The following CPEB4 variants were observed in gnomAD, a reference collection of about 807,000 sequenced individuals.
CPEB4 encodes cytoplasmic polyadenylation element binding protein 4, also known as cytoplasmic polyadenylation element-binding protein 4.
A neutral mutation model predicts 72.5 loss-of-function variants in CPEB4; 12 were observed. The observed-to-expected ratio is 0.17, with a 90% CI of 0.11 to 0.27. CPEB4 has a LOEUF of 0.27. Among genes scored for constraint, CPEB4 ranks in the 10% least tolerant of loss-of-function variants. The pLI is 1.00. For synonymous variants in CPEB4, 302 were observed against 326.3 expected (o/e 0.93, Z 0.80); for missense variants, 614 against 908.5 (o/e 0.68, Z 4.17).
At chr5:173,934,974 A>G (rs1030023900) in intron 3 of CPEB4, among the ~76,000 whole-genome samples, 7 of 152,182 alleles carry the variant, frequency 4.6e-5, no homozygotes, top group African/African-American at 1.7e-4. Context: ...TTTTGGGGGT[A>G]CCTGTATTGC....
intron 5 of CPEB4, among the ~76,000 whole-genome samples, chr5:173,949,030 G>A (rs1309622684): frequency 2.6e-5 from 4 of 152,182 alleles, no homozygotes; most frequent in Non-Finnish European, 4.4e-5. Flanking sequence ...AGAACATGGA[G>A]CTGTTCCAAG....
chr5:173,933,528 T>A (rs987860992), intron 3 of CPEB4, among the ~76,000 whole-genome samples: 6 of 152,184 alleles, frequency 3.9e-5, no homozygotes, highest in African/African-American at 1.4e-4. Context: ...CAGATGTAGG[T>A]CTTTTCATGC....
chr5:173,927,189 A>G (rs776635464), intron 2 of CPEB4, among the ~76,000 whole-genome samples: 3 of 152,148 alleles, frequency 2.0e-5, no homozygotes, highest in African/African-American at 4.8e-5. Flanking sequence ...CAAAAACCCA[A>G]CCAGACAAAA....
In CPEB4 at chr5:173,957,093, T is replaced by C. The variant is rs145028741; in HGVS notation, c.*956T>C. 142 of 152,906 alleles carry C rather than the reference T, an allele frequency of 9.3e-4. No homozygotes were observed. Among genetic ancestry groups the C allele is most frequent in the African/African-American group, 3.4e-3 (140 of 41,588 alleles). The allele number at this position is 152,906 out of a possible 1,614,324, so 9.5% of individuals were successfully genotyped here. On this transcript the variant is annotated 3_prime_UTR_variant, in exon 10 of 10. Coordinates refer to ENST00000265085, the MANE Select transcript of CPEB4 (RefSeq NM_030627.4). ...TAAACTCTATATCCTAATTTACTAA[T>C]ACTCATCAGATGTCAGCCTTTGCTC...
At chr5:173,947,019 T>C (rs1323739034) in intron 5 of CPEB4, among the ~76,000 whole-genome samples, 1 of 151,998 alleles carries the variant, frequency 6.6e-6, no homozygotes, top group Admixed American at 6.6e-5. Context: ...ATAGGTATCG[T>C]AGAAGAGCAG....
At position 173,910,624 on chromosome 5, in the gene CPEB4, C is replaced by G; in HGVS notation, c.1207+20C>G. On this transcript the variant is annotated intron_variant, in intron 2 of 9. Coordinates refer to ENST00000265085, the MANE Select transcript of CPEB4 (RefSeq NM_030627.4). ...TTAAAGGTAAGTTTAGAAATATACC[C>G]AATTGATTTCAGACAATAGTTTTAA... 1.4e-6 allele frequency: 2 copies of G among 1,412,186 alleles called. No homozygotes were observed. The highest frequency in any genetic ancestry group is 2.0e-6 in the Non-Finnish European group (2 of 997,074). 87.5% of individuals were successfully genotyped at this position (1,412,186 alleles called of 1,614,324 possible).
chr5:173,889,644 A>G lies in CPEB4; in HGVS notation c.-90A>G. The G allele has an allele frequency of 8.9e-7, 1 of 1,128,106 alleles. No individual in the cohort carries two copies. Among genetic ancestry groups the G allele is most frequent in the Non-Finnish European group, 1.3e-6 (1 of 784,778 alleles). 69.9% of individuals were successfully genotyped at this position (1,128,106 alleles called of 1,614,324 possible). On this transcript the variant is annotated 5_prime_UTR_variant, in exon 1 of 10. Transcript: ENST00000265085. ...ATAAGACATTTCAAGCAAGCAAGCAAACAACTTAAATTTGGGGTAGAGGAA... is the reference window on the plus strand; with the variant it reads ...ATAAGACATTTCAAGCAAGCAAGCAGACAACTTAAATTTGGGGTAGAGGAA...
chr5:173,932,298 C>T, intron 2 of CPEB4, 152 bp from the exon 3 acceptor site: 1 of 497,200 alleles, frequency 2.0e-6, no homozygotes, highest in African/African-American at 2.0e-5. Flanking sequence ...CAAACTTTTC[C>T]TTTTTGAATA....
At chr5:173,903,688 C>A (rs1329491745) in intron 1 of CPEB4, among the ~76,000 whole-genome samples, 1 of 152,142 alleles carries the variant, frequency 6.6e-6, no homozygotes, top group East Asian at 1.9e-4. Flanking sequence ...GGCATAATTA[C>A]AATTTGGTTG....
chr5:173,899,200 T>C (rs1188436519), intron 1 of CPEB4, among the ~76,000 whole-genome samples: 1 of 152,172 alleles, frequency 6.6e-6, no homozygotes, highest in Non-Finnish European at 1.5e-5. Context: ...TGAACTCCCA[T>C]GTATGTGTCA....
In CPEB4 at chr5:173,955,969, T is replaced by C; in HGVS notation, c.2022T>C (p.Arg674=). 3 of 1,614,012 alleles carry C rather than the reference T, an allele frequency of 1.9e-6. No homozygotes were observed. Among genetic ancestry groups the C allele is most frequent in the East Asian group, 2.2e-5 (1 of 44,870 alleles). The change falls in exon 10 of 10, where the codon CGT becomes CGC. Residue 674 remains arginine, a synonymous_variant. Transcript: ENST00000265085. The surrounding 1 kb of genome is among the most constrained non-coding windows in gnomAD (Gnocchi z 4.7). ...DQLCDECQGA[R]CGGKFAPFFC... ...TGTGTGATGAATGTCAGGGGGCCCG[T>C]TGTGGGGGGAAATTTGCTCCATTTT... is the stretch of plus-strand genomic sequence containing the variant.
chr5:173,911,694 T>TTG (rs1425991754), intron 2 of CPEB4, among the ~76,000 whole-genome samples: 2 of 151,246 alleles, frequency 1.3e-5, no homozygotes, highest in Non-Finnish European at 2.9e-5. Context: ...TTTTTTTTTT[T>TTG]TTTTTTTTTT....
rs1420571720 is a variant in CPEB4 at position 173,939,527 on chromosome 5, C to T, written c.1259-3499C>T. 3.9e-5 allele frequency among the ~76,000 whole-genome samples: 6 copies of T among 152,166 alleles called. No individual in the cohort carries two copies. In the East Asian group the frequency reaches 1.2e-3, roughly 29 times the overall value. ...TAAAATGTATGGGGAGGGAGAAAGTCAGGGGAGCCCTGACAAGTCTTTCTG... is the reference window on the plus strand; with the variant it reads ...TAAAATGTATGGGGAGGGAGAAAGTTAGGGGAGCCCTGACAAGTCTTTCTG... On this transcript the variant is annotated intron_variant, in intron 3 of 9. Coordinates refer to ENST00000265085, the MANE Select transcript of CPEB4 (RefSeq NM_030627.4).
At chr5:173,898,405 G>T (rs1378373928) in intron 1 of CPEB4, among the ~76,000 whole-genome samples, 4 of 152,174 alleles carry the variant, frequency 2.6e-5, no homozygotes, top group Admixed American at 2.6e-4. Flanking sequence ...GTTAATGGAA[G>T]TCAGATCTGG....
intron 3 of CPEB4, among the ~76,000 whole-genome samples, chr5:173,939,341 G>GTACA (rs34845457): frequency 7.8e-4 from 117 of 150,514 alleles, no homozygotes; most frequent in Middle Eastern, 3.4e-3. Context: ...TTTGAAATAC[G>GTACA]TACATACATA....
intron 3 of CPEB4, among the ~76,000 whole-genome samples, chr5:173,940,858 A>G (rs1168874030): frequency 1.3e-5 from 2 of 152,202 alleles, no homozygotes; most frequent in Non-Finnish European, 1.5e-5. Flanking sequence ...ATGAGAAAAT[A>G]TCTACATAGC....
intron 2 of CPEB4, among the ~76,000 whole-genome samples, chr5:173,925,045 G>A (rs930800408): frequency 1.3e-5 from 2 of 152,174 alleles, no homozygotes; most frequent in Non-Finnish European, 2.9e-5. Context: ...GAACTGCTGG[G>A]ACAAAAGTGT....
intron 1 of CPEB4, among the ~76,000 whole-genome samples, chr5:173,898,165 G>A (rs1308283938): frequency 6.6e-6 from 1 of 151,982 alleles, no homozygotes; most frequent in African/African-American, 2.4e-5. Context: ...TAGTTCCTCA[G>A]TATTATATAT....
intron 3 of CPEB4, among the ~76,000 whole-genome samples, chr5:173,934,789 C>G (rs954141860): frequency 6.6e-6 from 1 of 152,154 alleles, no homozygotes; most frequent in Non-Finnish European, 1.5e-5. Flanking sequence ...GAAATTAAAA[C>G]TAGGTAGGGA....
Sources: gnomAD v4.1 joint callset for allele counts (sites outside exome capture counted in the v4.1 genomes callset) on GRCh38, gnomAD v4.1.1 for gene constraint, Gnocchi (gnomAD v3.1) non-coding constraint, MANE v1.5 for transcripts, NCBI Gene and HGNC (gene_info 2026-07-23, HGNC 2026-07-21) for gene names.